OPCML: variants seen among roughly 807,000 people sequenced by gnomAD.
OPCML encodes opioid-binding protein/cell adhesion molecule.
OPCML carries 13 observed loss-of-function variants against 37.8 expected under a neutral mutation model. The ratio of observed to expected loss-of-function variants is 0.34; its 90% CI spans 0.22 to 0.55. The LOEUF is 0.55. OPCML is among the 20% of genes least tolerant of loss of function. The pLI is 0.91. For missense variants in OPCML, 341 were observed against 435.6 expected (o/e 0.78, Z 1.93); for synonymous variants, 176 against 168.8 (o/e 1.04, Z -0.33).
chr11:133,130,425 C>T (rs943615305), intron 1 of OPCML, among the ~76,000 whole-genome samples: 32 of 151,844 alleles, frequency 2.1e-4, no homozygotes, highest in African/African-American at 7.2e-4. Context: ...TACATTAGCA[C>T]CAAAATATTG....
At chr11:133,159,546 TCA>T (rs1592060011) in intron 1 of OPCML, among the ~76,000 whole-genome samples, 4 of 152,232 alleles carry the variant, frequency 2.6e-5, no homozygotes, top group Admixed American at 1.3e-4. Context: ...TGCTTGGAAT[TCA>T]CACAGTCACT....
intron 1 of OPCML, among the ~76,000 whole-genome samples, chr11:133,169,523 C>G (rs559096216): frequency 6.6e-6 from 1 of 152,248 alleles, no homozygotes; most frequent in East Asian, 1.9e-4. Flanking sequence ...AATCACTGTT[C>G]TTTATTGTTG....
chr11:133,174,103 T>C lies in OPCML; in HGVS notation c.62-231093A>G, dbSNP rs1317878241. ...TGAGATGCCTCGTTTGATTAATTTATGTCAGCGTTTTCTGTGTTGTCAGGC... is the reference window on the plus strand; with the variant it reads ...TGAGATGCCTCGTTTGATTAATTTACGTCAGCGTTTTCTGTGTTGTCAGGC... On this transcript the variant is annotated intron_variant, in intron 1 of 7. Transcript: ENST00000524381. This position sits in a 1 kb window ranked among gnomAD's most constrained non-coding sequence, Gnocchi z 4.6. Among the ~76,000 whole-genome samples, 2 of 152,262 alleles carry C rather than the reference T, an allele frequency of 1.3e-5. No individual in the cohort carries two copies. The highest frequency in any genetic ancestry group is 2.9e-5 in the Non-Finnish European group (2 of 68,048).
intron 2 of OPCML, among the ~76,000 whole-genome samples, chr11:132,731,365 G>C (rs985185278): frequency 3.3e-5 from 5 of 152,298 alleles, no homozygotes; most frequent in African/African-American, 1.2e-4. Flanking sequence ...AAATCTGATG[G>C]TGATGCCAAT....
intron 1 of OPCML, among the ~76,000 whole-genome samples, chr11:133,086,751 C>T (rs997389390): frequency 6.6e-6 from 1 of 152,176 alleles, no homozygotes; most frequent in Non-Finnish European, 1.5e-5. Flanking sequence ...CCCCTACACT[C>T]GCAGCCACTG....
intron 1 of OPCML, chr11:133,024,427 G>T: frequency 2.0e-6 from 2 of 984,830 alleles, no homozygotes; most frequent in Non-Finnish European, 2.4e-6. Flanking sequence ...GGAATTGTAG[G>T]TCAAGCACAC....
intron 1 of OPCML, among the ~76,000 whole-genome samples, chr11:133,244,354 T>G (rs1306852967): frequency 1.3e-5 from 2 of 152,054 alleles, no homozygotes; most frequent in Admixed American, 6.6e-5. Context: ...AGCAATGCTC[T>G]TAGTGTTTGC....
At chr11:132,527,326 T>A (rs1486922188) in intron 4 of OPCML, among the ~76,000 whole-genome samples, 1 of 152,192 alleles carries the variant, frequency 6.6e-6, no homozygotes, top group East Asian at 1.9e-4. Flanking sequence ...CTATAGGGCT[T>A]ATATGTTTTC....
intron 2 of OPCML, among the ~76,000 whole-genome samples, chr11:132,668,717 A>G (rs766323597): frequency 2.0e-5 from 3 of 152,170 alleles, no homozygotes; most frequent in Non-Finnish European, 4.4e-5. Context: ...TTCCAAATCT[A>G]TAAAAACGGA....
At chr11:133,385,138 G>A (rs1199536257) in intron 1 of OPCML, among the ~76,000 whole-genome samples, 1 of 152,194 alleles carries the variant, frequency 6.6e-6, no homozygotes, top group Non-Finnish European at 1.5e-5. Flanking sequence ...TCTATCCGTT[G>A]CAGCACTGGC....
chr11:133,221,581 C>A (rs59254168), intron 1 of OPCML, among the ~76,000 whole-genome samples: 25,489 of 152,118 alleles, frequency 0.17, 4,521 homozygotes, highest in African/African-American at 0.45. Context: ...ACAACTCCCA[C>A]GTCCAAGACC....
chr11:133,291,510 C>T (rs939800873), intron 1 of OPCML, among the ~76,000 whole-genome samples: 14 of 152,218 alleles, frequency 9.2e-5, no homozygotes, highest in African/African-American at 3.4e-4. Context: ...CAGGGAAAGC[C>T]GGTATCTACC....
rs140949564 is a variant in OPCML at position 133,020,161 on chromosome 11, C to T, written c.62-77151G>A. On this transcript the variant is annotated intron_variant, in intron 1 of 7. Transcript: ENST00000524381. ...ACTCGCCTGTAATCAGTCAAAATAACAAGCAGTAGCTCCTTGCAGGGCTGC... is the reference window on the plus strand; with the variant it reads ...ACTCGCCTGTAATCAGTCAAAATAATAAGCAGTAGCTCCTTGCAGGGCTGC... Among the ~76,000 whole-genome samples, 828 of 152,336 alleles carry T rather than the reference C, an allele frequency of 5.4e-3. 4 individuals are homozygous for T. Among genetic ancestry groups the T allele is most frequent in the African/African-American group, 0.019 (793 of 41,564 alleles).
chr11:133,287,458 TAGCCCCCTGAGGCTCATGCCCACC>T (rs928340658), intron 1 of OPCML, among the ~76,000 whole-genome samples: 3 of 149,706 alleles, frequency 2.0e-5, no homozygotes, highest in African/African-American at 7.4e-5. Flanking sequence ...AGCTGTTTGA[TAGCCCCCTGAGGCTCATGCCCACC>T]AGACCGGAAA....
Position 132,936,461 on chromosome 11 carries a change from T to C in OPCML, c.146+6465A>G, listed in dbSNP as rs559868544. Among the ~76,000 whole-genome samples, 6 of 152,304 alleles carry C rather than the reference T, an allele frequency of 3.9e-5. No homozygotes were observed. The East Asian group carries it at 9.7e-4, about 25-fold the overall frequency. On this transcript the variant is annotated intron_variant, in intron 2 of 7. Transcript: ENST00000524381. ...TACATGACATGTTAGGTAATTAATG[T>C]GGCATCTGACACATAGTAAACCATG...
intron 1 of OPCML, among the ~76,000 whole-genome samples, chr11:133,274,127 T>G (rs988416121): frequency 1.1e-4 from 17 of 152,260 alleles, no homozygotes; most frequent in African/African-American, 3.6e-4. Flanking sequence ...ACAGCCAAAG[T>G]CTTAACTGGT....
chr11:132,521,440 C>A (rs2096293510), intron 4 of OPCML, among the ~76,000 whole-genome samples: 1 of 152,070 alleles, frequency 6.6e-6, no homozygotes, highest in Non-Finnish European at 1.5e-5. Context: ...TTTTAGTACA[C>A]CACAGAATAC....
At chr11:133,145,836 G>C (rs972082813) in intron 1 of OPCML, among the ~76,000 whole-genome samples, 1 of 152,166 alleles carries the variant, frequency 6.6e-6, no homozygotes, top group Non-Finnish European at 1.5e-5. Context: ...AGACAACAGA[G>C]AGGAAGGAGC....
chr11:132,446,803 A>G (rs1485700082), intron 4 of OPCML, among the ~76,000 whole-genome samples: 1 of 152,176 alleles, frequency 6.6e-6, no homozygotes. Flanking sequence ...AACCTGATCA[A>G]TGCATGGAAG....
Sources: gnomAD v4.1 joint callset for allele counts (sites outside exome capture counted in the v4.1 genomes callset) on GRCh38, gnomAD v4.1.1 for gene constraint, Gnocchi (gnomAD v3.1) non-coding constraint, MANE v1.5 for transcripts, NCBI Gene and HGNC (gene_info 2026-07-23, HGNC 2026-07-21) for gene names.